Variants in LIMK2 observed in about 807,000 individuals in gnomAD.
LIMK2 encodes LIM domain kinase 2.
In LIMK2, 35 loss-of-function variants were observed where a neutral mutation model predicts 75.7. That is an observed-to-expected ratio of 0.46 (90% confidence interval 0.35 to 0.61). The LOEUF (loss-of-function observed/expected upper bound fraction) is 0.61, where lower values mean the gene tolerates loss of function less well. Among genes scored for constraint, LIMK2 ranks in the 20% least tolerant of loss-of-function variants. The pLI is 0.00. For missense variants in LIMK2, 623 were observed against 831.0 expected, an observed-to-expected ratio of 0.75 and a Z score of 3.08; for synonymous variants, 301 against 319.2, an observed-to-expected ratio of 0.94 and a Z score of 0.61.
chr22:31,254,698 C>T (rs1231780460), intron 2 of LIMK2, among the ~76,000 whole-genome samples: 1 of 152,168 alleles, frequency 6.6e-6, no homozygotes, highest in African/African-American at 2.4e-5. Context: ...GTGGCTCACA[C>T]CTGTAATCGC....
chr22:31,252,499 C>T (rs1025897204), intron 2 of LIMK2, among the ~76,000 whole-genome samples: 1 of 151,334 alleles, frequency 6.6e-6, no homozygotes, highest in East Asian at 1.9e-4. Context: ...AATGATTGTG[C>T]CACTGCACTC....
In LIMK2 at chr22:31,273,461, A is replaced by G. The variant is rs1242652465; in HGVS notation, c.1568A>G (p.Tyr523Cys). The G allele has an allele frequency of 3.1e-6, 5 of 1,613,662 alleles. No homozygotes were observed. The highest frequency in any genetic ancestry group is 4.2e-6 in the Non-Finnish European group (5 of 1,179,732). The part of the protein sequence containing the change: ...MAPEMLNGKS[Y>C]DETVDIFSFG... Reference sequence around the variant, plus strand: ...TCCTGTGTTCCCCAAGGAAAGAGCTATGATGAGACGGTGGATATCTTCTCC... The same window carrying G: ...TCCTGTGTTCCCCAAGGAAAGAGCTGTGATGAGACGGTGGATATCTTCTCC... The change falls in exon 14 of 16, where the codon TAT becomes TGT. Residue 523 changes from tyrosine (Y) to cysteine (C), a missense_variant. Physicochemically the swap from Tyr to Cys is radical, Grantham distance 194. This residue lies in a region of LIMK2 where 63 missense variants were observed against 122.8 expected (regional missense o/e 0.51). Coordinates refer to ENST00000331728, the MANE Select transcript of LIMK2 (RefSeq NM_005569.4).
chr22:31,236,162 C>T (rs1568987207), intron 2 of LIMK2, among the ~76,000 whole-genome samples: 2 of 151,844 alleles, frequency 1.3e-5, no homozygotes, highest in Non-Finnish European at 2.9e-5. Flanking sequence ...GGCATGATGG[C>T]GGGTGCCTGT....
rs2048353567 is a variant in LIMK2, at chr22:31,212,343, G to C, written c.-66G>C. The C allele has an allele frequency of 7.6e-7, 1 of 1,316,332 alleles. No homozygotes were observed. The highest frequency in any genetic ancestry group is 3.1e-5 in the Admixed American group (1 of 32,022). 81.5% of individuals were successfully genotyped at this position (1,316,332 alleles called of 1,614,324 possible). The stretch of plus-strand genomic sequence containing the variant: ...GCGGCGGCAGGAGCTGAGGGGAGTT[G>C]TAGGGAACTGAGGGGAGCTGCTGTG... On this transcript the variant is annotated 5_prime_UTR_variant, in exon 1 of 16. Transcript: ENST00000331728.
rs557609749 is a variant in LIMK2 at position 31,216,099 on chromosome 22, A to G, written c.16+3675A>G. ...CCATTGAAGAGAAGTGAAGTAGGGT[A>G]AGGGGATAGAAGAAGTGAGTTGTCA... On this transcript the variant is annotated intron_variant, in intron 1 of 15. Transcript: ENST00000331728. Among the ~76,000 whole-genome samples the G allele has an allele frequency of 6.6e-5, 10 of 152,346 alleles. No homozygotes were observed. The South Asian group carries it at 1.9e-3, about 28-fold the overall frequency.
intron 2 of LIMK2, chr22:31,248,393 C>T (rs1001107621): frequency 4.4e-6 from 6 of 1,356,072 alleles, no homozygotes; most frequent in African/African-American, 1.5e-5. Context: ...AGCTAGTCAC[C>T]GGCCCCTGCT....
intron 2 of LIMK2, chr22:31,248,910 G>T: frequency 1.2e-6 from 1 of 869,556 alleles, no homozygotes; most frequent in East Asian, 2.5e-5. Context: ...TATACCCAAG[G>T]AGAATCGGCC....
chr22:31,276,792 C>T (rs371660726), intron 15 of LIMK2: 45 of 1,607,946 alleles, frequency 2.8e-5, no homozygotes, highest in East Asian at 8.9e-5. Context: ...CTTTCAGAGC[C>T]CCCCCCGGGG....
intron 15 of LIMK2, chr22:31,277,225 T>TG: frequency 6.3e-7 from 1 of 1,592,260 alleles, no homozygotes; most frequent in Non-Finnish European, 8.6e-7. Flanking sequence ...CGGGGGACCC[T>TG]GCGGCCAGGC....
intron 2 of LIMK2, among the ~76,000 whole-genome samples, chr22:31,243,851 G>A (rs1163871177): frequency 3.3e-5 from 5 of 152,196 alleles, no homozygotes; most frequent in African/African-American, 9.6e-5. Flanking sequence ...AGTGATGGGT[G>A]GCTTGGGCCC....
At chr22:31,248,850 C>T in intron 2 of LIMK2, 1 of 1,428,156 alleles carries the variant, frequency 7.0e-7, no homozygotes, top group South Asian at 1.2e-5. Flanking sequence ...AAATCTCCTT[C>T]TCACTTAGTC....
At chr22:31,254,099 C>G (rs941331010) in intron 2 of LIMK2, among the ~76,000 whole-genome samples, 4 of 152,224 alleles carry the variant, frequency 2.6e-5, no homozygotes. Flanking sequence ...GGACTGGTGA[C>G]GTTGCTCTCC....
At chr22:31,236,906 GA>G (rs558322870) in intron 2 of LIMK2, among the ~76,000 whole-genome samples, 12,861 of 150,330 alleles carry the variant, frequency 0.086, 830 homozygotes, top group East Asian at 0.4. Flanking sequence ...GACAGAGCGA[GA>G]CTCTGTCTCA....
intron 8 of LIMK2, 103 bp downstream of exon 8, chr22:31,266,235 T>C (rs1568999808): frequency 2.6e-6 from 3 of 1,167,160 alleles, no homozygotes; most frequent in East Asian, 2.5e-5. Flanking sequence ...CCATGCAGGA[T>C]GCCAGGCCTC....
chr22:31,265,385 A>G (rs2048884312), intron 7 of LIMK2, among the ~76,000 whole-genome samples: 3 of 151,138 alleles, frequency 2.0e-5, no homozygotes, highest in Non-Finnish European at 3.0e-5. Context: ...AATAATAACA[A>G]TAACTAGCCG....
At chr22:31,258,848 T>C in intron 3 of LIMK2, 1 of 438,296 alleles carries the variant, frequency 2.3e-6, no homozygotes, top group South Asian at 2.5e-5. Flanking sequence ...TTGCCAACCC[T>C]GTATTGGAAG....
chr22:31,218,140 TTTCACATCTA>T (rs1860743109), intron 1 of LIMK2, among the ~76,000 whole-genome samples: 2 of 152,240 alleles, frequency 1.3e-5, no homozygotes, highest in Admixed American at 1.3e-4. Flanking sequence ...TGGGAGATAT[TTTCACATCTA>T]TTACATTATT....
chr22:31,262,143 G>A lies in LIMK2; in HGVS notation c.561G>A (p.Arg187=), dbSNP rs577293364. ...CTCTTGTCTGGCCCAGGGTCAACCG[G>A]ATGCACATCAGTCCCAACAATCGAA... ...ATTVQVKEVN[R]MHISPNNRNA... is the part of the protein sequence containing the mutation. Residue 187 remains arginine (R), a synonymous_variant, in exon 6 of 16, where the codon CGG becomes CGA. Transcript: ENST00000331728. This position sits in a 1 kb window ranked among gnomAD's most constrained non-coding sequence, Gnocchi z 5.0. The A allele has an allele frequency of 6.2e-7, 1 of 1,614,088 alleles. No homozygotes were observed. The highest frequency in any genetic ancestry group is 1.7e-5 in the Admixed American group (1 of 60,022).
chr22:31,248,459 G>C (rs773957588), intron 2 of LIMK2: 11 of 1,489,862 alleles, frequency 7.4e-6, no homozygotes, highest in Middle Eastern at 2.4e-4. Flanking sequence ...TCGGAGTCCA[G>C]AGGGGCCGCC....
Sources: allele counts gnomAD v4.1 joint callset (sites outside exome capture counted in the v4.1 genomes callset), GRCh38; gene constraint gnomAD v4.1.1; regional missense constraint gnomAD v4.1.1; non-coding constraint Gnocchi (gnomAD v3.1); transcripts MANE v1.5; gene names NCBI Gene and HGNC (gene_info 2026-07-23, HGNC 2026-07-21).